Variants in NRP1 observed in about 807,000 individuals in gnomAD.
NRP1 encodes neuropilin 1.
Under a neutral mutation model 106.7 loss-of-function variants are expected in NRP1, and 35 were observed. The observed-to-expected ratio is 0.33, with a 90% CI of 0.25 to 0.43. The LOEUF (loss-of-function observed/expected upper bound fraction) is 0.43, where lower values mean the gene tolerates loss of function less well. Among genes scored for constraint, NRP1 ranks in the 20% least tolerant of loss-of-function variants. The pLI is 1.00. For missense variants in NRP1, 1,024 were observed against 1,170.4 expected, an observed-to-expected ratio of 0.87 and a Z score of 1.83; for synonymous variants, 437 against 417.9, an observed-to-expected ratio of 1.05 and a Z score of -0.56.
chr10:33,225,633 G>C (rs1839600555), intron 7 of NRP1, among the ~76,000 whole-genome samples: 1 of 152,184 alleles, frequency 6.6e-6, no homozygotes, highest in Admixed American at 6.5e-5. Flanking sequence ...TGATCTGAGG[G>C]AACACAATGA....
In NRP1 at chr10:33,185,739, T is replaced by A; in HGVS notation, c.2335-15A>T. 2.5e-6 allele frequency: 4 copies of A among 1,603,968 alleles called. No homozygotes were observed. The highest frequency in any genetic ancestry group is 3.4e-6 in the Non-Finnish European group (4 of 1,170,724). On this transcript the variant is annotated splice_polypyrimidine_tract_variant and intron_variant, in intron 14 of 16. Coordinates refer to ENST00000374867, the MANE Select transcript of NRP1 (RefSeq NM_003873.7). ...TCGAAAATCACCTAACAAAATAAGA[T>A]CATTTTCACAGTATTGAAATGCTCA...
chr10:33,240,787 C>T (rs576417377), intron 6 of NRP1, among the ~76,000 whole-genome samples: 1 of 152,160 alleles, frequency 6.6e-6, no homozygotes, highest in East Asian at 1.9e-4. Flanking sequence ...AAGGTTATAA[C>T]GAATGCTACC....
At chr10:33,234,709 A>G (rs1840424924) in intron 6 of NRP1, among the ~76,000 whole-genome samples, 1 of 152,160 alleles carries the variant, frequency 6.6e-6, no homozygotes, top group African/African-American at 2.4e-5. Flanking sequence ...AATCTCACGA[A>G]TTTTCTTTTA....
intron 6 of NRP1, among the ~76,000 whole-genome samples, chr10:33,235,832 T>C (rs866942334): frequency 3.2e-4 from 49 of 152,382 alleles, no homozygotes; most frequent in Middle Eastern, 3.4e-3. Flanking sequence ...TACATCTCTA[T>C]GCTTTAGAAA....
At chr10:33,320,337 C>T (rs937047362) in intron 2 of NRP1, among the ~76,000 whole-genome samples, 4 of 151,224 alleles carry the variant, frequency 2.6e-5, no homozygotes, top group Middle Eastern at 3.4e-3. Flanking sequence ...AAGCCTGCAC[C>T]GGGACCCAGT....
At chr10:33,323,119 C>T (rs919464381) in intron 2 of NRP1, among the ~76,000 whole-genome samples, 4 of 152,090 alleles carry the variant, frequency 2.6e-5, no homozygotes, top group African/African-American at 7.2e-5. Flanking sequence ...CCTGTAATCT[C>T]ATTACTTTGG....
At chr10:33,253,221 G>A (rs1170838580) in intron 6 of NRP1, among the ~76,000 whole-genome samples, 2 of 152,090 alleles carry the variant, frequency 1.3e-5, no homozygotes, top group Non-Finnish European at 1.5e-5. Flanking sequence ...CAGGCCTTTG[G>A]GTGGGAATAC....
intron 2 of NRP1, among the ~76,000 whole-genome samples, chr10:33,285,125 A>G (rs1844421718): frequency 1.3e-5 from 2 of 152,338 alleles, no homozygotes; most frequent in Admixed American, 1.3e-4. Context: ...CGATGCTGAT[A>G]CCTAAGACTG....
chr10:33,182,622 TC>T lies in NRP1; in HGVS notation c.2482+75del, dbSNP rs1439873899. The T allele has an allele frequency of 7.0e-6, 7 of 1,006,488 alleles. No homozygotes were observed. In the East Asian group the frequency reaches 1.4e-4, roughly 21 times the overall value. The allele number at this position is 1,006,488 out of a possible 1,614,324, so 62.3% of individuals were successfully genotyped here. A position where few individuals can be genotyped will look rare whatever the true frequency, so the allele number is the denominator to read the frequency against. On this transcript the variant is annotated intron_variant, in intron 16 of 16. Coordinates refer to ENST00000374867, the MANE Select transcript of NRP1 (RefSeq NM_003873.7). ...TTTTGACATACCAGTGTATTAGAGT[TC>T]CACAAAGTTTCTTCATAAACACAAT...
intron 2 of NRP1, among the ~76,000 whole-genome samples, chr10:33,324,030 C>T (rs932618886): frequency 5.3e-5 from 8 of 152,094 alleles, no homozygotes; most frequent in Admixed American, 2.0e-4. Context: ...TCCTTTAGCT[C>T]GCAAAAGTTG....
chr10:33,201,141 T>C (rs991784040), intron 11 of NRP1: 1 of 152,242 alleles, frequency 6.6e-6, no homozygotes, highest in Non-Finnish European at 1.5e-5. Flanking sequence ...GTTGTCAGTG[T>C]TTCCACTATA....
At chr10:33,262,298 C>T (rs1216068407) in intron 4 of NRP1, among the ~76,000 whole-genome samples, 1 of 152,158 alleles carries the variant, frequency 6.6e-6, no homozygotes, top group Admixed American at 6.5e-5. Context: ...GTATTTTTGC[C>T]ATTTACCTTC....
intron 13 of NRP1, among the ~76,000 whole-genome samples, chr10:33,191,450 C>A (rs76528694): frequency 1.3e-5 from 2 of 152,094 alleles, no homozygotes; most frequent in Non-Finnish European, 2.9e-5. Flanking sequence ...CTTCAAGGGT[C>A]GGGAGAGAGC....
chr10:33,185,464 G>C (rs949602977), intron 15 of NRP1, among the ~76,000 whole-genome samples, 164 bp downstream of exon 15: 8 of 152,150 alleles, frequency 5.3e-5, no homozygotes, highest in African/African-American at 1.9e-4. Flanking sequence ...AGGTAAATTG[G>C]GCTGATTGTA....
intron 3 of NRP1, among the ~76,000 whole-genome samples, 170 bp from the exon 4 acceptor site, chr10:33,264,043 A>G (rs938911258): frequency 1.3e-5 from 2 of 152,364 alleles, no homozygotes; most frequent in Admixed American, 6.5e-5. Flanking sequence ...GGGTATGGAA[A>G]GTCAAGTTCA....
At chr10:33,303,507 G>A (rs963738281) in intron 2 of NRP1, among the ~76,000 whole-genome samples, 6 of 152,226 alleles carry the variant, frequency 3.9e-5, no homozygotes, top group South Asian at 2.1e-4. Context: ...TACGAGCATC[G>A]GTAAACAGTT....
chr10:33,195,729 C>T (rs1836736075), intron 12 of NRP1, among the ~76,000 whole-genome samples: 1 of 152,154 alleles, frequency 6.6e-6, no homozygotes, highest in Non-Finnish European at 1.5e-5. Context: ...AACAGAAGTC[C>T]TTCCAGGAAG....
At chr10:33,214,209 G>A (rs1180789722) in intron 8 of NRP1, among the ~76,000 whole-genome samples, 1 of 152,040 alleles carries the variant, frequency 6.6e-6, no homozygotes, top group Non-Finnish European at 1.5e-5. Flanking sequence ...CAGGGGAGGT[G>A]GCATTTGAAT....
intron 8 of NRP1, among the ~76,000 whole-genome samples, chr10:33,215,582 A>T (rs1335595552): frequency 6.6e-6 from 1 of 152,234 alleles, no homozygotes; most frequent in Non-Finnish European, 1.5e-5. Flanking sequence ...AACATGTGCA[A>T]GAATGATAAC....
Sources: gnomAD v4.1 joint callset for allele counts (sites outside exome capture counted in the v4.1 genomes callset) on GRCh38, gnomAD v4.1.1 for gene constraint, MANE v1.5 for transcripts, NCBI Gene and HGNC (gene_info 2026-07-23, HGNC 2026-07-21) for gene names.